PCDH15: variants seen among roughly 807,000 people sequenced by gnomAD.
PCDH15 encodes protocadherin-15.
Under a neutral mutation model 178.5 loss-of-function variants are expected in PCDH15, and 129 were observed. That is an observed-to-expected ratio of 0.72 (90% CI 0.63 to 0.84). The LOEUF (loss-of-function observed/expected upper bound fraction) is 0.84, where lower values mean the gene tolerates loss of function less well. PCDH15 is among the 40% of genes least tolerant of loss of function. The pLI is 0.00. For synonymous variants in PCDH15, 800 were observed against 732.0 expected, an observed-to-expected ratio of 1.09 and a Z score of -1.50; for missense variants, 2,230 against 2,099.9, an observed-to-expected ratio of 1.06 and a Z score of -1.21.
chr10:54,118,484 C>A (rs1160134599), intron 15 of PCDH15, among the ~76,000 whole-genome samples: 2 of 152,140 alleles, frequency 1.3e-5, no homozygotes, highest in African/African-American at 4.8e-5. Context: ...CACAGTGAAA[C>A]CCCGTCTCTA....
intron 2 of PCDH15, among the ~76,000 whole-genome samples, chr10:55,411,323 G>T (rs1462897743): frequency 6.6e-6 from 1 of 151,952 alleles, no homozygotes; most frequent in Admixed American, 6.6e-5. Flanking sequence ...GCACAAAACA[G>T]ATTCAATAAA....
At chr10:55,287,277 A>G (rs1842896365) in intron 1 of PCDH15, among the ~76,000 whole-genome samples, 1 of 152,052 alleles carries the variant, frequency 6.6e-6, no homozygotes. Context: ...TGCAAATTTT[A>G]CAACGAGACT....
At chr10:54,905,912 G>T (rs1954712073) in intron 2 of PCDH15, among the ~76,000 whole-genome samples, 1 of 152,060 alleles carries the variant, frequency 6.6e-6, no homozygotes, top group Non-Finnish European at 1.5e-5. Context: ...AATATGCTCA[G>T]ATTTACTTTC....
At chr10:54,258,022 T>A (rs1409006287) in intron 8 of PCDH15, among the ~76,000 whole-genome samples, 1 of 152,084 alleles carries the variant, frequency 6.6e-6, no homozygotes, top group Non-Finnish European at 1.5e-5. Context: ...TAAAAAAAAA[T>A]CAGATGTTTA....
chr10:55,235,844 T>C (rs1372565404), intron 1 of PCDH15, among the ~76,000 whole-genome samples: 4 of 143,522 alleles, frequency 2.8e-5, no homozygotes, highest in African/African-American at 1.0e-4. Context: ...GAGGTGGAGG[T>C]TGCAGTGAGC....
chr10:55,618,405 A>G (rs1843520816), intron 2 of PCDH15, among the ~76,000 whole-genome samples: 1 of 152,054 alleles, frequency 6.6e-6, no homozygotes, highest in Admixed American at 6.6e-5. Context: ...AATAAAAATT[A>G]ACAATTTCAA....
intron 2 of PCDH15, among the ~76,000 whole-genome samples, chr10:55,067,635 C>CTGT (rs1170276496): frequency 1.5e-5 from 1 of 68,732 alleles, no homozygotes; most frequent in African/African-American, 8.3e-5. Flanking sequence ...TGTGATAGTT[C>CTGT]TATTTTTTTT....
chr10:55,015,160 C>G (rs1840140650), intron 2 of PCDH15, among the ~76,000 whole-genome samples: 1 of 151,952 alleles, frequency 6.6e-6, no homozygotes, highest in Admixed American at 6.6e-5. Flanking sequence ...ACCTGGGAGG[C>G]TGAGGTTGCA....
At chr10:54,611,375 T>A (rs997735881) in intron 2 of PCDH15, among the ~76,000 whole-genome samples, 2 of 151,894 alleles carry the variant, frequency 1.3e-5, no homozygotes, top group African/African-American at 4.8e-5. Flanking sequence ...ATTCTCAATA[T>A]CGTCACCTCT....
intron 32 of PCDH15, chr10:53,821,950 T>C (rs1002687929): frequency 1.2e-6 from 2 of 1,613,622 alleles, no homozygotes; most frequent in Non-Finnish European, 1.7e-6. Context: ...GTGATTTCCA[T>C]ATTTGTTACT....
intron 2 of PCDH15, among the ~76,000 whole-genome samples, chr10:55,143,898 C>A (rs1183336158): frequency 6.6e-6 from 1 of 151,940 alleles, no homozygotes; most frequent in Non-Finnish European, 1.5e-5. Flanking sequence ...AAGTTGAAAC[C>A]AATGCCCCTG....
At chr10:55,033,719 G>A (rs1173841547) in intron 2 of PCDH15, among the ~76,000 whole-genome samples, 4 of 152,066 alleles carry the variant, frequency 2.6e-5, no homozygotes, top group African/African-American at 9.7e-5. Flanking sequence ...AGAGTTTTTG[G>A]AGCTATTAAG....
chr10:54,483,510 A>G (rs1210076245), intron 3 of PCDH15, among the ~76,000 whole-genome samples: 4 of 151,772 alleles, frequency 2.6e-5, no homozygotes. Context: ...ATTCTCTTGT[A>G]ATTTCTTTTT....
chr10:55,565,280 G>A (rs148570590), intron 2 of PCDH15, among the ~76,000 whole-genome samples: 2 of 151,740 alleles, frequency 1.3e-5, no homozygotes, highest in Non-Finnish European at 3.0e-5. Context: ...CAGGGGAACT[G>A]TACAAGTATT....
intron 8 of PCDH15, among the ~76,000 whole-genome samples, chr10:54,312,189 A>T (rs920411165): frequency 6.6e-6 from 1 of 152,118 alleles, no homozygotes; most frequent in Non-Finnish European, 1.5e-5. Flanking sequence ...TATATAAAGG[A>T]AAATAGAAAA....
At chr10:55,522,540 A>G (rs1479154482) in intron 2 of PCDH15, among the ~76,000 whole-genome samples, 1 of 151,726 alleles carries the variant, frequency 6.6e-6, no homozygotes, top group Non-Finnish European at 1.5e-5. Flanking sequence ...TATTCTCTTA[A>G]TGATTGGCCT....
At chr10:55,577,917 C>A (rs528076293) in intron 2 of PCDH15, among the ~76,000 whole-genome samples, 162 of 152,100 alleles carry the variant, frequency 1.1e-3, no homozygotes, top group African/African-American at 3.9e-3. Context: ...ACTTTTAAAA[C>A]GTCCATCTTT....
intron 2 of PCDH15, among the ~76,000 whole-genome samples, chr10:55,349,737 A>G (rs1844860688): frequency 6.6e-6 from 1 of 152,128 alleles, no homozygotes. Context: ...TTTCATTTTC[A>G]TTATCCTATT....
intron 1 of PCDH15, among the ~76,000 whole-genome samples, chr10:55,228,516 C>G (rs1279820015): frequency 6.6e-6 from 1 of 151,946 alleles, no homozygotes; most frequent in Non-Finnish European, 1.5e-5. Context: ...TTTCTCTTTA[C>G]CATATATAAA....
Sources: gnomAD v4.1 joint callset for allele counts (sites outside exome capture counted in the v4.1 genomes callset) on GRCh38, gnomAD v4.1.1 for gene constraint, MANE v1.5 for transcripts, NCBI Gene and HGNC (gene_info 2026-07-23, HGNC 2026-07-21) for gene names.